Variants in ADGRB3 observed in about 807,000 individuals in gnomAD.
The protein encoded by ADGRB3 is brain-specific angiogenesis inhibitor 3.
Under a neutral mutation model 193.4 loss-of-function variants are expected in ADGRB3, and 37 were observed. The ratio of observed to expected loss-of-function variants is 0.19; its 90% CI spans 0.15 to 0.25. The LOEUF (loss-of-function observed/expected upper bound fraction) is 0.25, where lower values mean the gene tolerates loss of function less well. Among genes scored for constraint, ADGRB3 ranks in the 10% least tolerant of loss-of-function variants. The pLI is 1.00. For synonymous variants in ADGRB3, 690 were observed against 644.2 expected (o/e 1.07, Z -1.08); for missense variants, 1,637 against 1,852.9 (o/e 0.88, Z 2.14).
chr6:69,301,305 A>G (rs187063553), intron 20 of ADGRB3, among the ~76,000 whole-genome samples: 5 of 151,390 alleles, frequency 3.3e-5, no homozygotes, highest in Non-Finnish European at 7.4e-5. Context: ...CGAGAGAAAT[A>G]TAAGTATTCA....
At chr6:68,892,965 C>A (rs568957799) in intron 3 of ADGRB3, among the ~76,000 whole-genome samples, 1 of 152,040 alleles carries the variant, frequency 6.6e-6, no homozygotes, top group African/African-American at 2.4e-5. Context: ...TCTATCTACA[C>A]CAGAGGAATA....
At chr6:69,204,112 C>T in intron 17 of ADGRB3, among the ~76,000 whole-genome samples, 1 of 152,040 alleles carries the variant, frequency 6.6e-6, no homozygotes, top group East Asian at 1.9e-4. Context: ...TAAGCACTAA[C>T]CTTTCTTCTG....
At chr6:68,739,739 G>A (rs1765941000) in intron 3 of ADGRB3, among the ~76,000 whole-genome samples, 1 of 152,050 alleles carries the variant, frequency 6.6e-6, no homozygotes, top group Non-Finnish European at 1.5e-5. Context: ...AATTACTGTG[G>A]TACTAAATGA....
intron 17 of ADGRB3, among the ~76,000 whole-genome samples, chr6:69,208,145 C>T (rs1765578692): frequency 6.6e-6 from 1 of 152,150 alleles, no homozygotes; most frequent in Non-Finnish European, 1.5e-5. Flanking sequence ...ACCATGGCCA[C>T]ATTGTTCATG....
chr6:69,045,448 A>G (rs1771207528), intron 13 of ADGRB3, among the ~76,000 whole-genome samples: 1 of 152,126 alleles, frequency 6.6e-6, no homozygotes, highest in African/African-American at 2.4e-5. Flanking sequence ...ACTTTTCATA[A>G]TGGATTTATT....
At chr6:69,282,787 T>C (rs1203173632) in intron 20 of ADGRB3, among the ~76,000 whole-genome samples, 2 of 152,160 alleles carry the variant, frequency 1.3e-5, no homozygotes, top group African/African-American at 2.4e-5. Flanking sequence ...CTAGGTACCA[T>C]GTAAGAATTA....
chr6:68,680,494 G>A (rs1054259288), intron 3 of ADGRB3, among the ~76,000 whole-genome samples: 1 of 152,104 alleles, frequency 6.6e-6, no homozygotes, highest in East Asian at 1.9e-4. Flanking sequence ...GAGCATTTTG[G>A]ACTCTTCATC....
chr6:69,117,656 A>G (rs1773572043), intron 17 of ADGRB3, among the ~76,000 whole-genome samples: 1 of 152,162 alleles, frequency 6.6e-6, no homozygotes, highest in Admixed American at 6.6e-5. Context: ...TTTGTTTTTA[A>G]ATTTTTCATT....
At chr6:68,827,884 T>G (rs1458165422) in intron 3 of ADGRB3, among the ~76,000 whole-genome samples, 1 of 152,190 alleles carries the variant, frequency 6.6e-6, no homozygotes, top group Non-Finnish European at 1.5e-5. Flanking sequence ...TTGCACATGC[T>G]CTTACACTCG....
intron 20 of ADGRB3, among the ~76,000 whole-genome samples, chr6:69,250,616 A>G (rs138458683): frequency 2.3e-4 from 35 of 152,322 alleles, no homozygotes; most frequent in African/African-American, 7.7e-4. Flanking sequence ...TGAGACTGCA[A>G]TGAAGATGTG....
intron 17 of ADGRB3, among the ~76,000 whole-genome samples, chr6:69,136,324 G>A (rs1376029157): frequency 6.6e-6 from 1 of 152,032 alleles, no homozygotes; most frequent in Non-Finnish European, 1.5e-5. Context: ...GAGAAGCACA[G>A]TTATAATCCA....
intron 17 of ADGRB3, among the ~76,000 whole-genome samples, chr6:69,169,716 TA>T (rs1443401274): frequency 6.6e-6 from 1 of 152,060 alleles, no homozygotes; most frequent in Non-Finnish European, 1.5e-5. Context: ...GAGGAATAAC[TA>T]AAGAATAATA....
chr6:69,226,137 T>G (rs1230889070), intron 17 of ADGRB3, among the ~76,000 whole-genome samples: 1 of 152,176 alleles, frequency 6.6e-6, no homozygotes, highest in Non-Finnish European at 1.5e-5. Context: ...TGACATATTC[T>G]TGGTTTTAAT....
chr6:69,242,593 T>C (rs1262047192), intron 20 of ADGRB3, among the ~76,000 whole-genome samples: 2 of 151,990 alleles, frequency 1.3e-5, no homozygotes, highest in Non-Finnish European at 2.9e-5. Context: ...TCTCTGCTTC[T>C]TTTTGAATTG....
intron 6 of ADGRB3, among the ~76,000 whole-genome samples, chr6:68,953,067 C>T (rs938188992): frequency 3.9e-5 from 6 of 152,118 alleles, no homozygotes; most frequent in South Asian, 4.1e-4. Context: ...CTAATATCAT[C>T]TCAGCAAGGT....
At chr6:69,338,011 T>G (rs1009762539) in intron 24 of ADGRB3, among the ~76,000 whole-genome samples, 4 of 152,204 alleles carry the variant, frequency 2.6e-5, no homozygotes, top group African/African-American at 9.6e-5. Context: ...GTAATTTCTT[T>G]TTGGTTTTTC....
intron 3 of ADGRB3, among the ~76,000 whole-genome samples, chr6:68,729,867 A>G (rs890334228): frequency 1.3e-5 from 2 of 151,568 alleles, no homozygotes; most frequent in African/African-American, 4.8e-5. Flanking sequence ...GACACCAAAA[A>G]TCTCTTCGGC....
intron 3 of ADGRB3, among the ~76,000 whole-genome samples, chr6:68,736,071 G>C (rs1765865106): frequency 6.6e-6 from 1 of 151,982 alleles, no homozygotes; most frequent in Admixed American, 6.6e-5. Context: ...GAATGCAGTG[G>C]TATGATCATG....
chr6:68,884,083 C>T (rs1469850179), intron 3 of ADGRB3, among the ~76,000 whole-genome samples: 1 of 152,216 alleles, frequency 6.6e-6, no homozygotes, highest in African/African-American at 2.4e-5. Context: ...TGAGCTCCTT[C>T]TCTCTCTTGC....
Sources: gnomAD v4.1 joint callset for allele counts (sites outside exome capture counted in the v4.1 genomes callset) on GRCh38, gnomAD v4.1.1 for gene constraint, MANE v1.5 for transcripts, NCBI Gene and HGNC (gene_info 2026-07-23, HGNC 2026-07-21) for gene names.